The following BCO1 variants were observed in gnomAD, a reference collection of about 807,000 sequenced individuals.
BCO1 encodes beta-carotene oxygenase 1.
Under a neutral mutation model 56.3 loss-of-function variants are expected in BCO1, and 54 were observed. The observed-to-expected ratio is 0.96, with a 90% CI of 0.77 to 1.20. BCO1 has a LOEUF of 1.20. Ranked by LOEUF, BCO1 falls within the 50% of genes most tolerant of loss-of-function variation. BCO1 has a pLI of 0.00. For missense variants in BCO1, 801 were observed against 690.9 expected, an observed-to-expected ratio of 1.16 and a Z score of -1.79; for synonymous variants, 318 against 266.1, an observed-to-expected ratio of 1.20 and a Z score of -1.90.
intron 1 of BCO1, 81 bp downstream of exon 1, chr16:81,239,053 G>A (rs1904995298): frequency 1.6e-6 from 2 of 1,288,546 alleles, no homozygotes; most frequent in African/African-American, 1.5e-5. Flanking sequence ...GTCTCGCTCT[G>A]TCGCCCGGGC....
intron 1 of BCO1, among the ~76,000 whole-genome samples, chr16:81,242,023 G>A (rs1000586851): frequency 3.3e-5 from 5 of 152,000 alleles, no homozygotes; most frequent in African/African-American, 1.2e-4. Context: ...AGAACACAGT[G>A]GCTGGTGTAT....
chr16:81,239,008 A>G (rs772871203), intron 1 of BCO1, 36 bp downstream of exon 1: 5 of 1,551,270 alleles, frequency 3.2e-6, no homozygotes, highest in African/African-American at 2.9e-5. Flanking sequence ...TCTTTCTTCT[A>G]TTTATTTTAT....
chr16:81,277,274 T>C (rs562502965), intron 7 of BCO1, among the ~76,000 whole-genome samples: 1 of 152,186 alleles, frequency 6.6e-6, no homozygotes, highest in East Asian at 1.9e-4. Flanking sequence ...TCCTGGCTCC[T>C]GTGAATTTTA....
At chr16:81,277,958 T>C (rs1907653718) in intron 7 of BCO1, among the ~76,000 whole-genome samples, 1 of 152,230 alleles carries the variant, frequency 6.6e-6, no homozygotes, top group Admixed American at 6.5e-5. Context: ...TCTCTTGCTG[T>C]CACATGCTTA....
At chr16:81,284,450 T>C (rs1234113844) in intron 8 of BCO1, among the ~76,000 whole-genome samples, 1 of 152,102 alleles carries the variant, frequency 6.6e-6, no homozygotes, top group African/African-American at 2.4e-5. Flanking sequence ...CCAAATTTTT[T>C]CTCTTCATTT....
At chr16:81,257,272 A>G (rs1906197947) in intron 2 of BCO1, among the ~76,000 whole-genome samples, 1 of 151,582 alleles carries the variant, frequency 6.6e-6, no homozygotes, top group South Asian at 2.1e-4. Context: ...TTTTTTGTTT[A>G]TTTGTTTTTT....
Position 81,238,988 on chromosome 16 carries a change from A to G in BCO1, c.64+16A>G. 1 of 1,609,482 alleles carries G rather than the reference A, an allele frequency of 6.2e-7. No individual in the cohort carries two copies. The highest frequency in any genetic ancestry group is 8.5e-7 in the Non-Finnish European group (1 of 1,176,286). On this transcript the variant is annotated intron_variant, in intron 1 of 10. Coordinates refer to ENST00000258168, the MANE Select transcript of BCO1 (RefSeq NM_017429.3). ...AAAGTGACAGGTGAGCATTCTGATA[A>G]ACACTGGGCTCTTTCTTCTATTTAT...
At chr16:81,240,183 T>G (rs1239931828) in intron 1 of BCO1, among the ~76,000 whole-genome samples, 3 of 151,996 alleles carry the variant, frequency 2.0e-5, no homozygotes, top group East Asian at 3.8e-4. Flanking sequence ...TATAAATTAA[T>G]TAGGAGTGCA....
intron 1 of BCO1, among the ~76,000 whole-genome samples, chr16:81,245,107 G>T (rs1038043257): frequency 6.6e-6 from 1 of 152,128 alleles, no homozygotes; most frequent in Non-Finnish European, 1.5e-5. Context: ...GGCCAGGCTG[G>T]TCTTGAACTC....
chr16:81,248,431 A>G (rs988099271), intron 2 of BCO1, among the ~76,000 whole-genome samples: 16 of 148,464 alleles, frequency 1.1e-4, no homozygotes, highest in African/African-American at 2.2e-4. Flanking sequence ...AAAAAATTAT[A>G]TAACTATTAA....
intron 2 of BCO1, among the ~76,000 whole-genome samples, chr16:81,246,832 CAG>C (rs1567698432): frequency 8.2e-6 from 1 of 122,110 alleles, no homozygotes. Context: ...GCCTGGGAGA[CAG>C]AGCCAGACTT....
At chr16:81,284,361 A>T (rs966857239) in intron 8 of BCO1, among the ~76,000 whole-genome samples, 3 of 151,530 alleles carry the variant, frequency 2.0e-5, no homozygotes, top group African/African-American at 7.3e-5. Flanking sequence ...AAGCATGATG[A>T]AAATTTCACA....
chr16:81,256,565 C>G (rs1239772901), intron 2 of BCO1, among the ~76,000 whole-genome samples: 1 of 152,100 alleles, frequency 6.6e-6, no homozygotes, highest in Non-Finnish European at 1.5e-5. Context: ...CTTTCAGGCC[C>G]CTCCCCGAGG....
chr16:81,259,889 C>T (rs956053534), intron 3 of BCO1, 84 bp downstream of exon 3: 2 of 1,553,374 alleles, frequency 1.3e-6, no homozygotes, highest in Non-Finnish European at 1.8e-6. Flanking sequence ...GCTCCTCTGA[C>T]AATTCTCTTT....
intron 7 of BCO1, among the ~76,000 whole-genome samples, chr16:81,276,357 C>A (rs1907555467): frequency 6.6e-6 from 1 of 152,216 alleles, no homozygotes; most frequent in Non-Finnish European, 1.5e-5. Flanking sequence ...CCCACCCCAA[C>A]CATGTGCTGG....
chr16:81,239,537 G>C (rs568366097), intron 1 of BCO1, among the ~76,000 whole-genome samples: 2 of 152,290 alleles, frequency 1.3e-5, no homozygotes, highest in Admixed American at 6.5e-5. Context: ...TGGGTACATA[G>C]ACAATGGGAT....
intron 7 of BCO1, among the ~76,000 whole-genome samples, chr16:81,276,994 G>A (rs1269309011): frequency 6.7e-6 from 1 of 148,600 alleles, no homozygotes; most frequent in Non-Finnish European, 1.5e-5. Context: ...TCGAACCCGG[G>A]AGGCGGAGGT....
intron 1 of BCO1, among the ~76,000 whole-genome samples, chr16:81,242,352 C>G (rs1373726345): frequency 6.6e-6 from 1 of 151,998 alleles, no homozygotes; most frequent in Non-Finnish European, 1.5e-5. Context: ...AGGCACCCAC[C>G]ACCACACCCA....
chr16:81,263,902 CG>C (rs1906649741), intron 4 of BCO1: 1 of 152,632 alleles, frequency 6.6e-6, no homozygotes, highest in African/African-American at 2.4e-5. Context: ...TTAAGCTAGA[CG>C]GCATCGGTCC....
Sources: gnomAD v4.1 joint callset for allele counts (sites outside exome capture counted in the v4.1 genomes callset) on GRCh38, gnomAD v4.1.1 for gene constraint, MANE v1.5 for transcripts, NCBI Gene and HGNC (gene_info 2026-07-23, HGNC 2026-07-21) for gene names.